GPATCH8: variants seen among roughly 807,000 people sequenced by gnomAD.
GPATCH8 encodes G patch domain-containing protein 8.
A neutral mutation model predicts 118.3 loss-of-function variants in GPATCH8; 18 were observed. That is an observed-to-expected ratio of 0.15 (90% CI 0.11 to 0.23). The LOEUF (loss-of-function observed/expected upper bound fraction) is 0.23. Ranked by LOEUF, GPATCH8 falls within the 10% of genes least tolerant of loss-of-function variation. The probability of loss-of-function intolerance (pLI) is 1.00; values close to 1 mark genes in which losing one functional copy is unlikely to be tolerated. For synonymous variants in GPATCH8, 659 were observed against 684.7 expected (o/e 0.96, Z 0.59); for missense variants, 1,631 against 1,873.8 (o/e 0.87, Z 2.39).
intron 2 of GPATCH8, among the ~76,000 whole-genome samples, chr17:44,466,414 G>C (rs949385873): frequency 6.6e-6 from 1 of 152,152 alleles, no homozygotes. Flanking sequence ...AAAGTGTGCT[G>C]CAAGTTATTT....
chr17:44,420,665 T>C (rs2049864923), intron 6 of GPATCH8, among the ~76,000 whole-genome samples: 1 of 152,204 alleles, frequency 6.6e-6, no homozygotes, highest in East Asian at 1.9e-4. Context: ...AATAAACATG[T>C]CAAATTCAAA....
At chr17:44,415,858 A>G (rs1372870550) in intron 6 of GPATCH8, among the ~76,000 whole-genome samples, 1 of 152,252 alleles carries the variant, frequency 6.6e-6, no homozygotes, top group Non-Finnish European at 1.5e-5. Context: ...ACTGGGATTG[A>G]GTGCCAAAAT....
rs759930837 is a variant in GPATCH8 at position 44,399,517 on chromosome 17, A to T, written c.2560T>A (p.Ser854Thr). ...DSGSEHSRSR[S>T]RSGRRHSSHR... ...GAGGAATGGCGCCGGCCAGACCTTG[A>T]GCGGCTGCGGGAATGCTCACTGCCT... The change falls in exon 8 of 8, where the codon TCA (serine) becomes ACA (threonine). Residue 854 changes from serine (S) to threonine (T), a missense_variant. By Grantham distance (58) the Ser-to-Thr change is moderately conservative (BLOSUM62 1). Around this residue, in one of 8 missense-constraint regions of GPATCH8, gnomAD observed 922 missense variants for 879.7 expected, o/e 1.05. Transcript: ENST00000591680. 5 of 1,613,736 alleles carry T rather than the reference A, an allele frequency of 3.1e-6. No individual in the cohort carries two copies. Among genetic ancestry groups the T allele is most frequent in the Non-Finnish European group, 4.2e-6 (5 of 1,179,948 alleles).
chr17:44,501,441 C>G (rs1970061471), intron 1 of GPATCH8, among the ~76,000 whole-genome samples: 1 of 151,706 alleles, frequency 6.6e-6, no homozygotes, highest in African/African-American at 2.4e-5. Flanking sequence ...TTTTTCCTGG[C>G]TGACCCAATT....
intron 1 of GPATCH8, among the ~76,000 whole-genome samples, chr17:44,493,050 T>A (rs1331389382): frequency 7.9e-6 from 1 of 126,828 alleles, no homozygotes; most frequent in Non-Finnish European, 1.7e-5. Context: ...TGGTAAGCCA[T>A]TAGGTTTTTT....
At chr17:44,440,888 T>G (rs1238877779) in intron 3 of GPATCH8, among the ~76,000 whole-genome samples, 1 of 152,166 alleles carries the variant, frequency 6.6e-6, no homozygotes, top group African/African-American at 2.4e-5. Flanking sequence ...TCTCACTCCG[T>G]CACCCAGGCT....
intron 2 of GPATCH8, among the ~76,000 whole-genome samples, chr17:44,472,916 G>C (rs560836652): frequency 2.6e-5 from 4 of 151,738 alleles, no homozygotes; most frequent in Non-Finnish European, 5.9e-5. Context: ...GGCTGGTCTC[G>C]AACTCCTGAC....
chr17:44,441,971 T>C (rs1044431936), intron 3 of GPATCH8, among the ~76,000 whole-genome samples: 9 of 151,810 alleles, frequency 5.9e-5, no homozygotes, highest in Non-Finnish European at 1.3e-4. Flanking sequence ...GAGGTTGCAG[T>C]GAGCTGACAT....
chr17:44,453,777 C>T (rs578252705), intron 3 of GPATCH8, among the ~76,000 whole-genome samples: 7 of 152,092 alleles, frequency 4.6e-5, no homozygotes, highest in East Asian at 1.9e-4. Context: ...AGAGATGTTT[C>T]GACCTCAGCC....
chr17:44,468,465 G>T (rs551562311), intron 2 of GPATCH8, among the ~76,000 whole-genome samples: 2 of 127,618 alleles, frequency 1.6e-5, no homozygotes, highest in Admixed American at 2.0e-4. Context: ...ACAGCTCACC[G>T]CATCCTTGAC....
At chr17:44,422,651 C>T (rs763374721) in intron 6 of GPATCH8, among the ~76,000 whole-genome samples, 3 of 151,778 alleles carry the variant, frequency 2.0e-5, no homozygotes, top group East Asian at 2.0e-4. Flanking sequence ...CTACCAGGCC[C>T]GGCTAATTTT....
At position 44,400,455 on chromosome 17, in the gene GPATCH8, A is replaced by G; in HGVS notation, c.1622T>C (p.Leu541Ser). ...KHPTGPFFPV[L>S]SKDESTALQW... ...GAGGGCAGTGCTTTCATCTTTGCTC[A>G]AAACTGGGAAGAAGGGACCAGTAGG... The change falls in exon 8 of 8, where the codon TTG becomes TCG. Residue 541 changes from leucine to serine, a missense_variant. Physicochemically the swap from Leu to Ser is moderately radical, Grantham distance 145 (BLOSUM62 -2). Around this residue, in one of 8 missense-constraint regions of GPATCH8, gnomAD observed 405 missense variants for 462.7 expected, o/e 0.88. Transcript: ENST00000591680. The G allele has an allele frequency of 6.2e-7, 1 of 1,614,212 alleles. No individual in the cohort carries two copies. Among genetic ancestry groups the G allele is most frequent in the Non-Finnish European group, 8.5e-7 (1 of 1,180,018 alleles).
intron 1 of GPATCH8, among the ~76,000 whole-genome samples, chr17:44,480,544 C>T (rs1178938145): frequency 2.0e-5 from 3 of 151,996 alleles, no homozygotes; most frequent in Non-Finnish European, 2.9e-5. Context: ...GGAGAAACCT[C>T]GTCTCTACTA....
At chr17:44,483,419 T>A (rs7501606) in intron 1 of GPATCH8, among the ~76,000 whole-genome samples, 65,182 of 145,632 alleles carry the variant, frequency 0.45, 16,014 homozygotes, top group Non-Finnish European at 0.56. Flanking sequence ...CCTGGCTAAT[T>A]TTTGTATTTT....
chr17:44,499,594 C>T (rs746782328), intron 1 of GPATCH8, among the ~76,000 whole-genome samples: 63 of 152,218 alleles, frequency 4.1e-4, no homozygotes, highest in African/African-American at 1.2e-3. Context: ...ATAATAGCTG[C>T]GCAACCATAA....
chr17:44,469,307 A>C (rs1399445742), intron 2 of GPATCH8, among the ~76,000 whole-genome samples: 1 of 152,216 alleles, frequency 6.6e-6, no homozygotes, highest in Non-Finnish European at 1.5e-5. Flanking sequence ...ACATTTTATT[A>C]ATTAAATACC....
chr17:44,415,179 G>A (rs1238592166), intron 6 of GPATCH8, among the ~76,000 whole-genome samples: 1 of 152,138 alleles, frequency 6.6e-6, no homozygotes, highest in East Asian at 1.9e-4. Flanking sequence ...CAATGCAGGA[G>A]GGCTCTAACT....
At chr17:44,430,017 C>T (rs1424062161) in intron 5 of GPATCH8, among the ~76,000 whole-genome samples, 3 of 152,052 alleles carry the variant, frequency 2.0e-5, no homozygotes, top group African/African-American at 7.3e-5. Flanking sequence ...CAGAGCAAGA[C>T]TGTCTCAACA....
chr17:44,436,566 C>T lies in GPATCH8; in HGVS notation c.194-21G>A, dbSNP rs1254597603. ...TCTCCCTGTAACAGGAACACATAATCAAGGTAAGGTGCAAAGCCAAACCAA... is the reference window on the plus strand; with the variant it reads ...TCTCCCTGTAACAGGAACACATAATTAAGGTAAGGTGCAAAGCCAAACCAA... On this transcript the variant is annotated intron_variant, in intron 3 of 7. Coordinates refer to ENST00000591680, the MANE Select transcript of GPATCH8 (RefSeq NM_001002909.4). 2.4e-6 allele frequency: 3 copies of T among 1,257,688 alleles called. 1 individual carries two copies. Among genetic ancestry groups the T allele is most frequent in the South Asian group, 2.4e-5 (2 of 84,078 alleles). The allele number at this position is 1,257,688 out of a possible 1,614,324, so 77.9% of individuals were successfully genotyped here.
Sources: gnomAD v4.1 joint callset for allele counts (sites outside exome capture counted in the v4.1 genomes callset) on GRCh38, gnomAD v4.1.1 for gene constraint, gnomAD v4.1.1 regional missense constraint, MANE v1.5 for transcripts, NCBI Gene and HGNC (gene_info 2026-07-23, HGNC 2026-07-21) for gene names.